Variants in VIPR2 observed in about 807,000 individuals in gnomAD.
VIPR2 encodes vasoactive intestinal polypeptide receptor 2.
Under a neutral mutation model 58.0 loss-of-function variants are expected in VIPR2, and 48 were observed. That is an observed-to-expected ratio of 0.83 (90% CI 0.66 to 1.05). The LOEUF (loss-of-function observed/expected upper bound fraction) is 1.05, where lower values mean the gene tolerates loss of function less well. Among genes scored for constraint, VIPR2 ranks in the 50% least tolerant of loss-of-function variants. The pLI is 0.00. For missense variants in VIPR2, 534 were observed against 558.0 expected, an observed-to-expected ratio of 0.96 and a Z score of 0.43; for synonymous variants, 243 against 235.2, an observed-to-expected ratio of 1.03 and a Z score of -0.30.
chr7:159,065,807 C>A (rs1856046531), intron 4 of VIPR2, among the ~76,000 whole-genome samples: 1 of 152,214 alleles, frequency 6.6e-6, no homozygotes. Flanking sequence ...CCGTGGCCCA[C>A]GTGTAGTTAC....
At chr7:159,088,725 G>A (rs186057055) in intron 4 of VIPR2, among the ~76,000 whole-genome samples, 10 of 152,384 alleles carry the variant, frequency 6.6e-5, no homozygotes, top group East Asian at 3.9e-4. Context: ...CCTGCACCAC[G>A]GAGTGAAAGC....
At position 159,122,511 on chromosome 7, in the gene VIPR2, G is replaced by C. The variant is rs528380070; in HGVS notation, c.152-12592C>G. Among the ~76,000 whole-genome samples the C allele has an allele frequency of 2.0e-5, 3 of 152,306 alleles. No individual in the cohort carries two copies. The South Asian group carries it at 6.2e-4, about 32-fold the overall frequency. ...GATAAAAACAGGCCTGGCAACAAAG[G>C]AGAGTGAACGCTCTCACCTCACTTT... On this transcript the variant is annotated intron_variant, in intron 2 of 12. Coordinates refer to ENST00000262178, the MANE Select transcript of VIPR2 (RefSeq NM_003382.5).
At chr7:159,106,504 AG>A (rs1858664936) in intron 3 of VIPR2, among the ~76,000 whole-genome samples, 1 of 144,682 alleles carries the variant, frequency 6.9e-6, no homozygotes, top group Non-Finnish European at 1.5e-5. Context: ...GGAGGGGCAG[AG>A]AGAGGCCAAG....
At chr7:159,105,706 C>T (rs1481108285) in intron 3 of VIPR2, among the ~76,000 whole-genome samples, 2 of 152,294 alleles carry the variant, frequency 1.3e-5, no homozygotes, top group African/African-American at 4.8e-5. Flanking sequence ...GGCCTCTTAG[C>T]TGCAGAGACC....
At chr7:159,122,521 G>A (rs1223452086) in intron 2 of VIPR2, among the ~76,000 whole-genome samples, 2 of 152,270 alleles carry the variant, frequency 1.3e-5, no homozygotes, top group East Asian at 3.9e-4. Context: ...GAGAGTGAAC[G>A]CTCTCACCTC....
chr7:159,137,332 A>C (rs529820100), intron 2 of VIPR2, among the ~76,000 whole-genome samples: 5 of 152,300 alleles, frequency 3.3e-5, no homozygotes, highest in African/African-American at 9.6e-5. Context: ...AAATTAATTC[A>C]GTGAGATTTG....
chr7:159,086,728 G>A (rs990983962), intron 4 of VIPR2, among the ~76,000 whole-genome samples: 3 of 152,242 alleles, frequency 2.0e-5, no homozygotes, highest in Non-Finnish European at 4.4e-5. Flanking sequence ...CTGCCTCCGA[G>A]CGCCTGCCCA....
chr7:159,100,495 C>A (rs1178692644), intron 4 of VIPR2, among the ~76,000 whole-genome samples: 1 of 152,132 alleles, frequency 6.6e-6, no homozygotes, highest in African/African-American at 2.4e-5. Context: ...GCCAGCACCA[C>A]CTTATCTGCT....
intron 4 of VIPR2, among the ~76,000 whole-genome samples, chr7:159,062,837 TTGGTCTGTTTTACTGAGAGC>T (rs1320833373): frequency 9.0e-6 from 1 of 110,776 alleles, no homozygotes; most frequent in African/African-American, 3.1e-5. Context: ...AGAGAGCTGA[TTGGTCTGTTTTACTGAGAGC>T]TGATTGGTCC....
chr7:159,132,302 C>G (rs1796948222), intron 2 of VIPR2, among the ~76,000 whole-genome samples: 1 of 140,416 alleles, frequency 7.1e-6, no homozygotes, highest in Non-Finnish European at 1.6e-5. Flanking sequence ...AGGGGAAGCC[C>G]CTCTAGGAGG....
intron 4 of VIPR2, among the ~76,000 whole-genome samples, chr7:159,070,086 A>G (rs1856302450): frequency 6.6e-6 from 1 of 152,214 alleles, no homozygotes; most frequent in Admixed American, 6.5e-5. Flanking sequence ...AGCCAACGCC[A>G]AAGTCTCAGC....
At chr7:159,120,063 C>T (rs1317930592) in intron 2 of VIPR2, among the ~76,000 whole-genome samples, 2 of 152,196 alleles carry the variant, frequency 1.3e-5, no homozygotes, top group Non-Finnish European at 2.9e-5. Flanking sequence ...GGTGGCATCT[C>T]CCAACGTGGG....
intron 1 of VIPR2, 145 bp downstream of exon 1, chr7:159,144,576 C>G (rs531155213): frequency 1.4e-6 from 2 of 1,412,902 alleles, no homozygotes; most frequent in East Asian, 5.7e-5. Context: ...AGCTCCGGAC[C>G]CCGGGCGACC....
At chr7:159,040,141 A>G (rs895621159) in intron 6 of VIPR2, among the ~76,000 whole-genome samples, 1 of 152,206 alleles carries the variant, frequency 6.6e-6, no homozygotes, top group Non-Finnish European at 1.5e-5. Context: ...GGTCTGGGGA[A>G]TGACAAGGCC....
intron 2 of VIPR2, among the ~76,000 whole-genome samples, chr7:159,119,276 C>A (rs747359608): frequency 6.6e-6 from 1 of 152,186 alleles, no homozygotes; most frequent in Non-Finnish European, 1.5e-5. Context: ...ATGTTGCTAA[C>A]CCTAGGCCTC....
At chr7:159,032,400 C>T (rs1195487033) in intron 10 of VIPR2, among the ~76,000 whole-genome samples, 5 of 152,192 alleles carry the variant, frequency 3.3e-5, no homozygotes, top group Admixed American at 1.3e-4. Context: ...ACACAGGCCC[C>T]GCCTGGGAGC....
rs116156937 is a variant in VIPR2 at position 159,096,226 on chromosome 7, G to A, written c.357+7531C>T. ...ACAGGCCTCCTATCCATCGAGGCCC[G>A]GAGAGTTTCAACCCCTGCCTGGGGC... On this transcript the variant is annotated intron_variant, in intron 4 of 12. Coordinates refer to ENST00000262178, the MANE Select transcript of VIPR2 (RefSeq NM_003382.5). The surrounding 1 kb of genome is among the most constrained non-coding windows in gnomAD (Gnocchi z 5.5). Among the ~76,000 whole-genome samples the A allele has an allele frequency of 4.2e-3, 644 of 152,330 alleles. 3 individuals carry two copies. The highest frequency in any genetic ancestry group is 0.015 in the African/African-American group (618 of 41,584).
chr7:159,072,385 A>C (rs1226293813), intron 4 of VIPR2, among the ~76,000 whole-genome samples: 1 of 152,260 alleles, frequency 6.6e-6, no homozygotes, highest in East Asian at 1.9e-4. Flanking sequence ...TTAAAACTAG[A>C]AAAACAGTAA....
chr7:159,111,035 TCAAAA>T (rs957713109), intron 2 of VIPR2, among the ~76,000 whole-genome samples: 1 of 152,216 alleles, frequency 6.6e-6, no homozygotes, highest in African/African-American at 2.4e-5. Flanking sequence ...TTTAAAATGT[TCAAAA>T]CAAGTGATCA....
Sources: gnomAD v4.1 joint callset for allele counts (sites outside exome capture counted in the v4.1 genomes callset) on GRCh38, gnomAD v4.1.1 for gene constraint, Gnocchi (gnomAD v3.1) non-coding constraint, MANE v1.5 for transcripts, NCBI Gene and HGNC (gene_info 2026-07-23, HGNC 2026-07-21) for gene names.